The following RYR2 variants were observed in gnomAD, a reference collection of about 807,000 sequenced individuals.
RYR2 encodes cardiac muscle ryanodine receptor-calcium release channel.
Under a neutral mutation model 601.1 loss-of-function variants are expected in RYR2, and 227 were observed. That is an observed-to-expected ratio of 0.38 (90% confidence interval 0.34 to 0.42). The LOEUF is 0.42. Among genes scored for constraint, RYR2 ranks in the 10% least tolerant of loss-of-function variants. The pLI is 1.00. For synonymous variants in RYR2, 2,223 were observed against 2,175.1 expected (o/e 1.02, Z -0.61); for missense variants, 4,646 against 6,156.5 (o/e 0.75, Z 8.21).
Position 237,105,723 on chromosome 1 carries a change from A to G in RYR2, c.48+63154A>G, listed in dbSNP as rs564063068. Among the ~76,000 whole-genome samples, 127 of 151,612 alleles carry G rather than the reference A, an allele frequency of 8.4e-4. 1 individual carries two copies. Among genetic ancestry groups the G allele is most frequent in the African/African-American group, 3.0e-3 (122 of 41,336 alleles). The stretch of plus-strand genomic sequence containing the variant: ...AAAATTGGCAGCTGTAGTCCCAACT[A>G]CTTGGGAGGCTGAAGCACAAGAATC... On this transcript the variant is annotated intron_variant, in intron 1 of 104. Transcript: ENST00000366574.
chr1:237,246,228 TG>T lies in RYR2; in HGVS notation c.49-24266del, dbSNP rs202041745. 5.8e-3 allele frequency among the ~76,000 whole-genome samples: 885 copies of T among 152,258 alleles called. 8 individuals carry two copies. The highest frequency in any genetic ancestry group is 6.7e-3 in the Non-Finnish European group (453 of 68,022). ...CTCCTGCCTCAGCCTCCCAAGTAGC[TG>T]GGATTACAGGTGCATGCCACCAAGC... On this transcript the variant is annotated intron_variant, in intron 1 of 104. Transcript: ENST00000366574.
At chr1:237,693,924 A>G (rs963833310) in intron 63 of RYR2, among the ~76,000 whole-genome samples, 6 of 152,226 alleles carry the variant, frequency 3.9e-5, no homozygotes, top group Admixed American at 6.5e-5. Context: ...AGAAGTTATT[A>G]TATTAGAAAA....
At chr1:237,436,363 A>G (rs1707348778) in intron 12 of RYR2, among the ~76,000 whole-genome samples, 1 of 151,596 alleles carries the variant, frequency 6.6e-6, no homozygotes, top group African/African-American at 2.4e-5. Context: ...AGACCCCTTC[A>G]GCATGAGAAA....
chr1:237,146,984 T>C (rs1018705377), intron 1 of RYR2, among the ~76,000 whole-genome samples: 1 of 152,082 alleles, frequency 6.6e-6, no homozygotes, highest in Non-Finnish European at 1.5e-5. Flanking sequence ...AGCTTTAAAG[T>C]TTGGGAGCTG....
intron 2 of RYR2, among the ~76,000 whole-genome samples, chr1:237,289,167 T>A (rs892005612): frequency 2.0e-5 from 3 of 152,158 alleles, no homozygotes; most frequent in Non-Finnish European, 4.4e-5. Context: ...GTCTCCCGGG[T>A]CCTGCAGGAG....
chr1:237,556,279 ATATTAT>A (rs57036969), intron 27 of RYR2, among the ~76,000 whole-genome samples: 77,544 of 142,650 alleles, frequency 0.54, 21,151 homozygotes, highest in South Asian at 0.69. Flanking sequence ...ATTTTTTAAA[ATATTAT>A]TATTATTATT....
intron 2 of RYR2, among the ~76,000 whole-genome samples, chr1:237,283,858 G>A (rs539600317): frequency 1.3e-5 from 2 of 152,150 alleles, no homozygotes; most frequent in African/African-American, 4.8e-5. Flanking sequence ...GGTTACATGA[G>A]TAAGTTCTTT....
chr1:237,111,893 C>T (rs151122463), intron 1 of RYR2, among the ~76,000 whole-genome samples: 1,975 of 152,172 alleles, frequency 0.013, 25 homozygotes, highest in South Asian at 0.042. Flanking sequence ...GGCAGAAGGA[C>T]AAAATGTAAT....
At chr1:237,595,916 C>G (rs1055827458) in intron 34 of RYR2, among the ~76,000 whole-genome samples, 5 of 152,114 alleles carry the variant, frequency 3.3e-5, no homozygotes, top group Non-Finnish European at 2.9e-5. Context: ...AGCGAGACCA[C>G]TGAGGCACTT....
intron 80 of RYR2, chr1:237,743,498 A>T (rs1285542351): frequency 2.1e-6 from 1 of 478,194 alleles, no homozygotes; most frequent in Admixed American, 2.2e-5. Context: ...TGAGCAGCAG[A>T]TAATATTGTT....
At position 237,528,740 on chromosome 1, in the gene RYR2, C is replaced by G. The variant is rs1294896817; in HGVS notation, c.2823-1687C>G. On this transcript the variant is annotated intron_variant, in intron 24 of 104. Transcript: ENST00000366574. ...AGGCTTACTTTTGATGTCAGTACAC[C>G]ATGTGACTTTGTCTCTCGGTCTGGA... 3.9e-5 allele frequency among the ~76,000 whole-genome samples: 6 copies of G among 152,064 alleles called. No individual in the cohort carries two copies. The East Asian group carries it at 1.2e-3, about 29-fold the overall frequency.
At chr1:237,790,939 TCTCA>T (rs977094484) in intron 92 of RYR2, among the ~76,000 whole-genome samples, 3 of 151,720 alleles carry the variant, frequency 2.0e-5, no homozygotes, top group Non-Finnish European at 4.4e-5. Context: ...TCTCCCTTCT[TCTCA>T]CTGTGTTTCC....
chr1:237,181,873 G>A (rs973284566), intron 1 of RYR2, among the ~76,000 whole-genome samples: 40 of 152,218 alleles, frequency 2.6e-4, no homozygotes, highest in African/African-American at 7.9e-4. Flanking sequence ...GATTAGTTCC[G>A]TGATGGTTAA....
intron 79 of RYR2, among the ~76,000 whole-genome samples, chr1:237,735,693 G>A (rs184631928): frequency 1.1e-4 from 17 of 152,222 alleles, no homozygotes; most frequent in Admixed American, 9.8e-4. Context: ...CTGACTAATG[G>A]CATAGTATTT....
rs773279072 is a variant in RYR2 at position 237,548,496 on chromosome 1, C to T, written c.2972C>T (p.Ser991Leu). The T allele has an allele frequency of 9.9e-6, 16 of 1,613,784 alleles. No individual in the cohort carries two copies. Among genetic ancestry groups the T allele is most frequent in the Admixed American group, 1.7e-5 (1 of 60,006 alleles). Residue 991 changes from serine (S) to leucine (L), a missense_variant, in exon 26 of 105, where the codon TCA (serine) becomes TTA (leucine). By Grantham distance (145) the Ser-to-Leu change is moderately radical (BLOSUM62 -2). Transcript: ENST00000366574. ...CTGAGCTTTATCAAACTCACCCCAT[C>T]ACAAGAAGCAATGGTGGACAAGTTG... is the stretch of plus-strand genomic sequence containing the variant. The part of the protein sequence containing the change: ...MDLSFIKLTP[S>L]QEAMVDKLAE...
intron 29 of RYR2, among the ~76,000 whole-genome samples, chr1:237,589,401 A>G (rs972992843): frequency 1.3e-5 from 2 of 152,178 alleles, no homozygotes; most frequent in Admixed American, 1.3e-4. Context: ...CAAGTGAACC[A>G]CATCCCTTGG....
At chr1:237,071,408 G>C (rs1201752012) in intron 1 of RYR2, among the ~76,000 whole-genome samples, 1 of 152,068 alleles carries the variant, frequency 6.6e-6, no homozygotes, top group Non-Finnish European at 1.5e-5. Flanking sequence ...ATTTTTAGTA[G>C]AGACAAGGTT....
intron 12 of RYR2, among the ~76,000 whole-genome samples, chr1:237,433,909 A>G (rs1364470716): frequency 6.6e-6 from 1 of 152,242 alleles, no homozygotes; most frequent in Non-Finnish European, 1.5e-5. Flanking sequence ...GACCTGAGGT[A>G]TACTTTGAGT....
intron 17 of RYR2, among the ~76,000 whole-genome samples, chr1:237,471,967 C>T (rs1051072441): frequency 6.6e-6 from 1 of 152,164 alleles, no homozygotes; most frequent in African/African-American, 2.4e-5. Context: ...ATTGTTACTG[C>T]CAAGGTTAAA....
Sources: gnomAD v4.1 joint callset for allele counts (sites outside exome capture counted in the v4.1 genomes callset) on GRCh38, gnomAD v4.1.1 for gene constraint, MANE v1.5 for transcripts, NCBI Gene and HGNC (gene_info 2026-07-23, HGNC 2026-07-21) for gene names.